The following AGBL3 variants were observed in gnomAD, a reference collection of about 807,000 sequenced individuals.
AGBL3 encodes AGBL carboxypeptidase 3.
Under a neutral mutation model 94.5 loss-of-function variants are expected in AGBL3, and 68 were observed. The ratio of observed to expected loss-of-function variants is 0.72; its 90% CI spans 0.59 to 0.88. The LOEUF is 0.88. Among genes scored for constraint, AGBL3 ranks in the 40% least tolerant of loss-of-function variants. The pLI is 0.00. For missense variants in AGBL3, 934 were observed against 1,103.8 expected, an observed-to-expected ratio of 0.85 and a Z score of 2.18; for synonymous variants, 354 against 370.7, an observed-to-expected ratio of 0.95 and a Z score of 0.52.
chr7:134,986,674 G>A lies in AGBL3; in HGVS notation c.-87G>A, dbSNP rs1333855418. On this transcript the variant is annotated 5_prime_UTR_variant, in exon 1 of 17. Coordinates refer to ENST00000436302, the MANE Select transcript of AGBL3 (RefSeq NM_178563.4). Reference sequence around the variant, plus strand: ...CTGGCCAGAGGACTCGCGTGGGAGCGAGGTGCCGGCCCCGACAGGACGGTG... The same window carrying A: ...CTGGCCAGAGGACTCGCGTGGGAGCAAGGTGCCGGCCCCGACAGGACGGTG... The A allele has an allele frequency of 6.6e-6, 1 of 152,314 alleles. No individual in the cohort carries two copies. The highest frequency in any genetic ancestry group is 2.4e-5 in the African/African-American group (1 of 41,482). The allele number at this position is 152,314 out of a possible 1,614,324, so 9.4% of individuals were successfully genotyped here.
chr7:134,998,942 C>T (rs1239896641), intron 4 of AGBL3, among the ~76,000 whole-genome samples: 3 of 152,162 alleles, frequency 2.0e-5, no homozygotes, highest in African/African-American at 7.2e-5. Context: ...CAAGTGGGGA[C>T]CCACTCTTGT....
intron 15 of AGBL3, among the ~76,000 whole-genome samples, chr7:135,102,623 T>C (rs1189173279): frequency 3.5e-5 from 4 of 113,064 alleles, no homozygotes; most frequent in Admixed American, 1.8e-4. Flanking sequence ...CTTTCTCTTG[T>C]GGTTTTTTTT....
chr7:135,111,089 C>A (rs77913513), intron 15 of AGBL3, among the ~76,000 whole-genome samples: 7,744 of 152,280 alleles, frequency 0.051, 262 homozygotes, highest in Non-Finnish European at 0.08. Context: ...GATGACCTAA[C>A]TTCTTACTTC....
chr7:135,127,496 T>C (rs958620010), intron 16 of AGBL3, among the ~76,000 whole-genome samples: 1 of 151,078 alleles, frequency 6.6e-6, no homozygotes, highest in African/African-American at 2.4e-5. Context: ...GAGGTTGCAG[T>C]GAGCCAAGAT....
At chr7:135,033,725 A>C (rs1212173900) in intron 6 of AGBL3, among the ~76,000 whole-genome samples, 1 of 152,194 alleles carries the variant, frequency 6.6e-6, no homozygotes. Context: ...TATGTGTTTA[A>C]ATCTCTCAGT....
chr7:135,094,170 C>G (rs1822291868), intron 15 of AGBL3: 3 of 341,968 alleles, frequency 8.8e-6, no homozygotes, highest in Middle Eastern at 7.9e-4. Context: ...ACTATTTAAA[C>G]AGATAATAAG....
intron 6 of AGBL3, 33 bp downstream of exon 6, chr7:135,033,015 G>T: frequency 6.7e-7 from 1 of 1,501,480 alleles, no homozygotes; most frequent in South Asian, 1.3e-5. Context: ...TAAGGAGCTA[G>T]ACCATCAACT....
chr7:135,127,972 C>T (rs1828124346), intron 16 of AGBL3, among the ~76,000 whole-genome samples: 1 of 152,092 alleles, frequency 6.6e-6, no homozygotes, highest in Non-Finnish European at 1.5e-5. Context: ...TGGCCATATA[C>T]ACCATGGAAT....
At chr7:135,047,096 A>T (rs1817441624) in intron 11 of AGBL3, among the ~76,000 whole-genome samples, 1 of 152,006 alleles carries the variant, frequency 6.6e-6, no homozygotes, top group Non-Finnish European at 1.5e-5. Flanking sequence ...CCACCATTTG[A>T]CTTTTATTTT....
rs775394843 is a variant in AGBL3 at position 134,993,676 on chromosome 7, T to C, written c.308T>C (p.Ile103Thr). Residue 103 changes from isoleucine (I) to threonine (T), a missense_variant and splice_region_variant, in exon 4 of 17, where the codon ATT (isoleucine) becomes ACT (threonine). Ile to Thr is a moderately conservative substitution (Grantham distance 89). Coordinates refer to ENST00000436302, the MANE Select transcript of AGBL3 (RefSeq NM_178563.4). ...CEVIDEKVQH[I>T]DWTPSCPEPV... ...GTCATCGATGAAAAAGTCCAGCATA[T>C]TGGTATGTTTTTAGCAGTTTGGGGG... is the stretch of plus-strand genomic sequence containing the variant. The C allele has an allele frequency of 1.7e-5, 26 of 1,545,820 alleles. No individual in the cohort carries two copies. The highest frequency in any genetic ancestry group is 2.2e-5 in the Non-Finnish European group (25 of 1,143,838).
intron 4 of AGBL3, chr7:135,011,416 T>C (rs1813138527): frequency 6.6e-6 from 1 of 152,052 alleles, no homozygotes; most frequent in Non-Finnish European, 1.5e-5. Context: ...GACTGATAAA[T>C]TTGACTACGA....
chr7:135,107,465 T>C (rs914434603), intron 15 of AGBL3, among the ~76,000 whole-genome samples: 1 of 152,248 alleles, frequency 6.6e-6, no homozygotes, highest in Non-Finnish European at 1.5e-5. Flanking sequence ...CTTAACTTCA[T>C]TATTTACCCG....
intron 5 of AGBL3, 137 bp from the exon 6 acceptor site, chr7:135,032,707 A>T (rs1458691293): frequency 4.5e-6 from 3 of 660,600 alleles, no homozygotes; most frequent in Non-Finnish European, 6.9e-6. Context: ...TTATTTCAAC[A>T]TGTCTATATA....
Position 134,988,014 on chromosome 7 carries a change from T to G in AGBL3, c.63+18T>G, listed in dbSNP as rs761207651. 10 of 1,509,696 alleles carry G rather than the reference T, an allele frequency of 6.6e-6. No homozygotes were observed. 93.5% of individuals were successfully genotyped at this position (1,509,696 alleles called of 1,614,324 possible). A position where few individuals can be genotyped will look rare whatever the true frequency, so the allele number is the denominator to read the frequency against. On this transcript the variant is annotated intron_variant, in intron 2 of 16. Coordinates refer to ENST00000436302, the MANE Select transcript of AGBL3 (RefSeq NM_178563.4). ...ATGAATCGGTATGTTTTTCTCAACTTTATTTTACTTGGAGATAAAATTTGT... is the reference window on the plus strand; with the variant it reads ...ATGAATCGGTATGTTTTTCTCAACTGTATTTTACTTGGAGATAAAATTTGT...
intron 8 of AGBL3, among the ~76,000 whole-genome samples, chr7:135,039,201 T>G (rs949115971): frequency 6.6e-6 from 1 of 152,040 alleles, no homozygotes; most frequent in Non-Finnish European, 1.5e-5. Context: ...ATAATTAATA[T>G]CACACAAGTA....
chr7:135,016,936 C>A (rs980985475), intron 4 of AGBL3, 116 bp from the exon 5 acceptor site: 1 of 707,704 alleles, frequency 1.4e-6, no homozygotes, highest in Admixed American at 2.5e-5. Context: ...TCTTACCCCA[C>A]ACAAAACACT....
Position 135,072,658 on chromosome 7 carries a change from A to G in AGBL3, c.1909-3739A>G, listed in dbSNP as rs1247785068. 1.1e-4 allele frequency among the ~76,000 whole-genome samples: 17 copies of G among 152,128 alleles called. No homozygotes were observed. The East Asian group carries it at 2.3e-3, about 21-fold the overall frequency. On this transcript the variant is annotated intron_variant, in intron 12 of 16. Coordinates refer to ENST00000436302, the MANE Select transcript of AGBL3 (RefSeq NM_178563.4). ...AAACCATCATTCTCAGCAAACTATC[A>G]CAAGGACAAAAAACCAAACACCGCA...
At chr7:135,019,118 C>A (rs1160510139) in intron 5 of AGBL3, among the ~76,000 whole-genome samples, 2 of 152,164 alleles carry the variant, frequency 1.3e-5, no homozygotes, top group Non-Finnish European at 2.9e-5. Context: ...TGTCTGAATT[C>A]TTTGACTTGG....
intron 7 of AGBL3, among the ~76,000 whole-genome samples, chr7:135,036,503 A>C (rs1281052060): frequency 6.6e-6 from 1 of 152,186 alleles, no homozygotes; most frequent in Non-Finnish European, 1.5e-5. Flanking sequence ...GTCATCAAGC[A>C]CTCAATTTTT....
Sources: allele counts gnomAD v4.1 joint callset (sites outside exome capture counted in the v4.1 genomes callset), GRCh38; gene constraint gnomAD v4.1.1; transcripts MANE v1.5; gene names NCBI Gene and HGNC (gene_info 2026-07-23, HGNC 2026-07-21).